The following DMD variants were observed in gnomAD, a reference collection of about 807,000 sequenced individuals.
DMD encodes the protein mutant dystrophin.
In DMD, 63 loss-of-function variants were observed where a neutral mutation model predicts 330.1. That is an observed-to-expected ratio of 0.19 (90% confidence interval 0.16 to 0.24). The LOEUF (loss-of-function observed/expected upper bound fraction) is 0.24, where lower values mean the gene tolerates loss of function less well. Ranked by LOEUF, DMD falls within the 10% of genes least tolerant of loss-of-function variation. The probability of loss-of-function intolerance (pLI) is 1.00; values close to 1 mark genes in which losing one functional copy is unlikely to be tolerated. For missense variants in DMD, 3,344 were observed against 2,684.1 expected (o/e 1.25, Z -5.43); for synonymous variants, 1,223 against 959.8 (o/e 1.27, Z -5.07).
intron 1 of DMD, among the ~76,000 whole-genome samples, chrX:33,092,405 C>G (rs906907105): frequency 1.8e-5 from 2 of 111,796 alleles, no homozygotes; most frequent in Non-Finnish European, 3.8e-5. Context: ...ATTAATTTCA[C>G]TTTAAAGCTA....
At chrX:32,247,648 A>G (rs1425230475) in intron 43 of DMD, among the ~76,000 whole-genome samples, 2 of 111,164 alleles carry the variant, frequency 1.8e-5, no homozygotes, top group East Asian at 5.7e-4. Context: ...TTCAAGGATC[A>G]TCTCACCCGG....
intron 41 of DMD, among the ~76,000 whole-genome samples, chrX:32,334,193 T>G (rs2097694330): frequency 8.9e-6 from 1 of 111,909 alleles, no homozygotes; most frequent in Admixed American, 9.5e-5. Context: ...TTTTTAATCC[T>G]TGTAATATGT....
rs5972693 is a variant in DMD, at chrX:32,845,719, C to T, written c.187-859G>A. Among the ~76,000 whole-genome samples, 631 of 112,074 alleles carry T rather than the reference C, an allele frequency of 5.6e-3. 6 individuals are homozygous for T. The highest frequency in any genetic ancestry group is 0.019 in the African/African-American group (573 of 30,851). ...TATAGGTAACAGTTAAGGGCAAGAG[C>T]TACAAAGCTGACTGCCTGGGTTCAA... On this transcript the variant is annotated intron_variant, in intron 3 of 78. Transcript: ENST00000357033.
At chrX:32,875,795 A>AC (rs1663481801) in intron 2 of DMD, among the ~76,000 whole-genome samples, 1 of 111,829 alleles carries the variant, frequency 8.9e-6, no homozygotes, top group African/African-American at 3.3e-5. Context: ...CAGACACTTT[A>AC]CAGTTTCCTG....
At chrX:32,309,274 T>A (rs1309801745) in intron 42 of DMD, among the ~76,000 whole-genome samples, 1 of 111,657 alleles carries the variant, frequency 9.0e-6, no homozygotes, top group African/African-American at 3.2e-5. Flanking sequence ...CTTTAGCTAA[T>A]ATGTGCTGCT....
rs2149075615 is a variant in DMD, at chrX:31,444,567, G to A, written c.8998C>T (p.Arg3000Cys). The A allele has an allele frequency of 8.3e-7, 1 of 1,211,691 alleles. No individual in the cohort carries two copies. Among genetic ancestry groups the A allele is most frequent in the Non-Finnish European group, 1.1e-6 (1 of 895,425 alleles). The change falls in exon 60 of 79, where the codon CGC becomes TGC. Residue 3000 changes from arginine to cysteine, a missense_variant. Transcript: ENST00000357033. ...ENVSHVNDLA[R>C]QLTTLGIQLS... ...TGAATGCCCAAAGTGGTAAGCTGGC[G>A]AGCAAGGTCATTGACGTGGCTCACG...
chrX:32,635,720 A>G (rs748356750), intron 11 of DMD, among the ~76,000 whole-genome samples: 7 of 111,852 alleles, frequency 6.3e-5, no homozygotes, highest in Admixed American at 3.8e-4. Context: ...TCAACTCCCA[A>G]GATTTATAAC....
intron 9 of DMD, among the ~76,000 whole-genome samples, chrX:32,672,045 T>G (rs1022130453): frequency 9.0e-6 from 1 of 111,712 alleles, no homozygotes; most frequent in Non-Finnish European, 1.9e-5. Context: ...TTTGTCATTG[T>G]TTTATGACAT....
At chrX:33,311,065 T>A (rs2053840817) in intron 1 of DMD, among the ~76,000 whole-genome samples, 1 of 110,323 alleles carries the variant, frequency 9.1e-6, no homozygotes, top group South Asian at 3.7e-4. Flanking sequence ...AATATACATA[T>A]ATACATAAAT....
At chrX:32,248,191 G>A (rs979898258) in intron 43 of DMD, among the ~76,000 whole-genome samples, 4 of 111,334 alleles carry the variant, frequency 3.6e-5, no homozygotes, top group Non-Finnish European at 7.5e-5. Context: ...GTCCTTCATG[G>A]TTTCACTGTA....
chrX:33,172,586 T>C (rs1021116922), intron 1 of DMD, among the ~76,000 whole-genome samples: 3 of 111,596 alleles, frequency 2.7e-5, no homozygotes, highest in East Asian at 5.7e-4. Context: ...AACATACTTA[T>C]ACAACTCTGG....
chrX:31,189,889 T>C (rs187891157), intron 67 of DMD, among the ~76,000 whole-genome samples: 26 of 112,865 alleles, frequency 2.3e-4, no homozygotes, highest in Admixed American at 2.1e-3. Flanking sequence ...CTGTCCAAAA[T>C]TTCCTTTATC....
chrX:33,177,504 C>T (rs1177025808), intron 1 of DMD, among the ~76,000 whole-genome samples: 3 of 111,268 alleles, frequency 2.7e-5, no homozygotes, highest in Non-Finnish European at 5.7e-5. Context: ...CCTGCCTCAG[C>T]CTCCCTAGTA....
intron 7 of DMD, among the ~76,000 whole-genome samples, chrX:32,784,006 T>TTG (rs2075132110): frequency 1.1e-5 from 1 of 90,465 alleles, no homozygotes; most frequent in Non-Finnish European, 2.3e-5. Flanking sequence ...GGAGCGGGGG[T>TTG]GGGGGGGGGA....
intron 44 of DMD, among the ~76,000 whole-genome samples, chrX:32,124,915 T>A (rs1165015254): frequency 9.6e-6 from 1 of 104,165 alleles, no homozygotes; most frequent in Non-Finnish European, 1.9e-5. Flanking sequence ...ACAAACGGAA[T>A]AGTACGTGCA....
chrX:31,185,075 T>G (rs1250377742), intron 67 of DMD, among the ~76,000 whole-genome samples: 1 of 107,434 alleles, frequency 9.3e-6, no homozygotes, highest in Non-Finnish European at 1.9e-5. Flanking sequence ...GTAACTAACC[T>G]GCACATTGTG....
chrX:33,009,707 T>C (rs770740070), intron 2 of DMD, among the ~76,000 whole-genome samples: 5 of 66,292 alleles, frequency 7.5e-5, no homozygotes, highest in Admixed American at 4.3e-4. Context: ...TGTGTATACG[T>C]ATATGTGTAT....
chrX:31,745,273 G>T (rs1273588794), intron 51 of DMD, among the ~76,000 whole-genome samples: 1 of 111,405 alleles, frequency 9.0e-6, no homozygotes, highest in African/African-American at 3.3e-5. Context: ...TGTGTAATTA[G>T]TTAGCAGAAT....
intron 2 of DMD, among the ~76,000 whole-genome samples, chrX:32,894,432 G>A (rs773986504): frequency 3.5e-5 from 4 of 112,835 alleles, no homozygotes; most frequent in Non-Finnish European, 5.6e-5. Context: ...TAGCCTCGCA[G>A]CACAGTGGTA....
Sources: gnomAD v4.1 joint callset for allele counts (sites outside exome capture counted in the v4.1 genomes callset) on GRCh38, gnomAD v4.1.1 for gene constraint, MANE v1.5 for transcripts, NCBI Gene and HGNC (gene_info 2026-07-23, HGNC 2026-07-21) for gene names.